The following NYAP2 variants were observed in gnomAD, a reference collection of about 807,000 sequenced individuals.
NYAP2 encodes neuronal tyrosine-phosphorylated phosphoinositide-3-kinase adapter 2.
A neutral mutation model predicts 50.4 loss-of-function variants in NYAP2; 23 were observed. The ratio of observed to expected loss-of-function variants is 0.46; its 90% confidence interval spans 0.33 to 0.65. The LOEUF (loss-of-function observed/expected upper bound fraction) is 0.65. NYAP2 is among the 30% of genes least tolerant of loss of function. The pLI is 0.02. For synonymous variants in NYAP2, 394 were observed against 365.2 expected, an observed-to-expected ratio of 1.08 and a Z score of -0.90; for missense variants, 885 against 861.0, an observed-to-expected ratio of 1.03 and a Z score of -0.35.
At chr2:225,500,922 A>T (rs1035076618) in intron 3 of NYAP2, among the ~76,000 whole-genome samples, 11 of 152,198 alleles carry the variant, frequency 7.2e-5, no homozygotes, top group African/African-American at 2.7e-4. Flanking sequence ...AAAATGGGGT[A>T]CATATTTTGG....
intron 4 of NYAP2, among the ~76,000 whole-genome samples, chr2:225,558,512 G>T (rs557289430): frequency 6.6e-6 from 1 of 152,198 alleles, no homozygotes; most frequent in East Asian, 1.9e-4. Flanking sequence ...GTCGCATCTT[G>T]CTCACTCTGC....
the NYAP2 span, among the ~76,000 whole-genome samples, chr2:225,698,033 C>A: frequency 6.6e-6 from 1 of 151,598 alleles, no homozygotes; most frequent in Non-Finnish European, 1.5e-5. Context: ...AAAAAATTAG[C>A]TGGGCATGGT....
chr2:225,579,914 A>G (rs1254479543), intron 4 of NYAP2, among the ~76,000 whole-genome samples: 1 of 152,242 alleles, frequency 6.6e-6, no homozygotes, highest in African/African-American at 2.4e-5. Flanking sequence ...AATTCTAAAT[A>G]TGATTATTTC....
intron 3 of NYAP2, among the ~76,000 whole-genome samples, chr2:225,442,204 G>A (rs559954147): frequency 1.2e-4 from 18 of 152,306 alleles, no homozygotes; most frequent in African/African-American, 3.8e-4. Flanking sequence ...GTGAGGAGGA[G>A]TAGTTGATTA....
At chr2:225,449,930 C>G (rs1440494692) in intron 3 of NYAP2, among the ~76,000 whole-genome samples, 1 of 152,016 alleles carries the variant, frequency 6.6e-6, no homozygotes. Flanking sequence ...AAGCCATACA[C>G]GAGATAGCTC....
intron 4 of NYAP2, among the ~76,000 whole-genome samples, chr2:225,571,295 A>G (rs1171306908): frequency 6.6e-6 from 1 of 152,178 alleles, no homozygotes; most frequent in Non-Finnish European, 1.5e-5. Context: ...TCACAGCTCC[A>G]TTAGGAAGTG....
intron 4 of NYAP2, among the ~76,000 whole-genome samples, chr2:225,553,445 C>T (rs1050812440): frequency 2.0e-5 from 3 of 152,208 alleles, no homozygotes; most frequent in African/African-American, 7.2e-5. Context: ...GGAGCAAAAG[C>T]TGAATAACCA....
intron 3 of NYAP2, among the ~76,000 whole-genome samples, chr2:225,498,799 C>A (rs1253306254): frequency 4.6e-5 from 7 of 152,042 alleles, no homozygotes. Flanking sequence ...TTCTTGGAAG[C>A]ATTTGTTCTC....
upstream of NYAP2, among the ~76,000 whole-genome samples, chr2:225,398,277 G>A (rs1056462212): frequency 3.9e-5 from 6 of 151,926 alleles, no homozygotes; most frequent in African/African-American, 7.2e-5. Context: ...AAGTAAGTCT[G>A]TTTACTTATC....
chr2:225,633,330 A>G (rs1341950631), intron 6 of NYAP2, among the ~76,000 whole-genome samples: 3 of 152,210 alleles, frequency 2.0e-5, no homozygotes, highest in Non-Finnish European at 4.4e-5. Context: ...GATCAGCTAT[A>G]TTATAAAACC....
chr2:225,513,799 A>G (rs1690877659), intron 4 of NYAP2, 127 bp downstream of exon 4: 1 of 631,138 alleles, frequency 1.6e-6, no homozygotes, highest in South Asian at 6.2e-5. Context: ...GAAGTCCCAG[A>G]AAAGAAGAAT....
intron 5 of NYAP2, among the ~76,000 whole-genome samples, chr2:225,622,563 C>T (rs200760057): frequency 0.1 from 4,365 of 43,244 alleles, 96 homozygotes; most frequent in East Asian, 0.13. Flanking sequence ...CTTTCTTTTT[C>T]TTTCTTTCTT....
At chr2:225,467,213 T>G (rs1689935065) in intron 3 of NYAP2, among the ~76,000 whole-genome samples, 1 of 152,054 alleles carries the variant, frequency 6.6e-6, no homozygotes, top group African/African-American at 2.4e-5. Context: ...TCCTTAGAGG[T>G]CAGATACCAA....
intron 3 of NYAP2, among the ~76,000 whole-genome samples, chr2:225,458,970 G>A (rs1574625388): frequency 6.6e-6 from 1 of 152,126 alleles, no homozygotes; most frequent in Admixed American, 6.5e-5. Context: ...TCTGCTTTCA[G>A]TTCCACAACC....
chr2:225,451,394 C>T (rs565190030), intron 3 of NYAP2, among the ~76,000 whole-genome samples: 1 of 152,082 alleles, frequency 6.6e-6, no homozygotes, highest in African/African-American at 2.4e-5. Context: ...TGCAAATATA[C>T]CTTTTTATAC....
intron 3 of NYAP2, among the ~76,000 whole-genome samples, chr2:225,497,596 C>T (rs1690530280): frequency 6.6e-6 from 1 of 152,168 alleles, no homozygotes; most frequent in Non-Finnish European, 1.5e-5. Context: ...AAAACCTGAC[C>T]TGGGTTTATA....
chr2:225,576,426 A>C (rs1245265875), intron 4 of NYAP2, among the ~76,000 whole-genome samples: 1 of 152,244 alleles, frequency 6.6e-6, no homozygotes, highest in Non-Finnish European at 1.5e-5. Flanking sequence ...ATTAAAAAAA[A>C]ATAGTGGATA....
intron 4 of NYAP2, among the ~76,000 whole-genome samples, chr2:225,552,001 C>T (rs938377156): frequency 7.2e-5 from 11 of 152,054 alleles, no homozygotes; most frequent in East Asian, 3.9e-4. Context: ...TTAGTAAAGA[C>T]GGGGTTTTAC....
At chr2:225,583,785 A>T (rs1023364034) in intron 5 of NYAP2, among the ~76,000 whole-genome samples, 9 of 152,212 alleles carry the variant, frequency 5.9e-5, no homozygotes, top group Non-Finnish European at 1.2e-4. Context: ...TCGCGCCTGT[A>T]ATCCCAGCAC....
Sources: allele counts gnomAD v4.1 joint callset (sites outside exome capture counted in the v4.1 genomes callset), GRCh38; gene constraint gnomAD v4.1.1; transcripts MANE v1.5; gene names NCBI Gene and HGNC (gene_info 2026-07-23, HGNC 2026-07-21).